The following CSMD1 variants were observed in gnomAD, a reference collection of about 807,000 sequenced individuals.
The protein encoded by CSMD1 is CUB and Sushi multiple domains 1.
CSMD1 carries 213 observed loss-of-function variants against 417.5 expected under a neutral mutation model. The observed-to-expected ratio is 0.51, with a 90% confidence interval of 0.46 to 0.57. The LOEUF (loss-of-function observed/expected upper bound fraction) is 0.57, where lower values mean the gene tolerates loss of function less well. CSMD1 is among the 20% of genes least tolerant of loss of function. CSMD1 has a pLI of 0.00. For synonymous variants in CSMD1, 2,862 were observed against 1,736.8 expected, an observed-to-expected ratio of 1.65 and a Z score of -16.11; for missense variants, 6,923 against 4,529.7, an observed-to-expected ratio of 1.53 and a Z score of -15.17.
intron 12 of CSMD1, among the ~76,000 whole-genome samples, chr8:3,434,569 A>G (rs1253646757): frequency 6.6e-6 from 1 of 152,218 alleles, no homozygotes; most frequent in Non-Finnish European, 1.5e-5. Context: ...TAGTGAACAT[A>G]ATTTAGATTA....
At chr8:4,336,839 G>T (rs1476676956) in intron 3 of CSMD1, among the ~76,000 whole-genome samples, 1 of 152,042 alleles carries the variant, frequency 6.6e-6, no homozygotes, top group African/African-American at 2.4e-5. Context: ...AATGAAGATG[G>T]GGTTGAGATT....
intron 6 of CSMD1, among the ~76,000 whole-genome samples, chr8:3,751,934 C>T (rs758647317): frequency 5.3e-5 from 8 of 152,110 alleles, no homozygotes; most frequent in Non-Finnish European, 8.8e-5. Context: ...AGGATCAGTC[C>T]ATTGGCCTTG....
At chr8:4,797,057 C>G (rs1465991351) in intron 1 of CSMD1, among the ~76,000 whole-genome samples, 2 of 152,130 alleles carry the variant, frequency 1.3e-5, no homozygotes, top group African/African-American at 4.8e-5. Context: ...AGAGAAGCAA[C>G]AGATTCTGTC....
chr8:3,596,979 C>G (rs1430535917), intron 8 of CSMD1, among the ~76,000 whole-genome samples: 4 of 152,164 alleles, frequency 2.6e-5, no homozygotes, highest in Admixed American at 2.6e-4. Context: ...GGTGCAATGG[C>G]TCACTCTGTT....
At position 4,924,951 on chromosome 8, in the gene CSMD1, C is replaced by T. The variant is rs76848010; in HGVS notation, c.85+69381G>A. ...CCGTCTCTTTTTCTGTATTATGCAA[C>T]GGAAGAATCTTTGCATCCACCATGG... On this transcript the variant is annotated intron_variant, in intron 1 of 69. Transcript: ENST00000635120. Among the ~76,000 whole-genome samples, 7 of 151,970 alleles carry T rather than the reference C, an allele frequency of 4.6e-5. No individual in the cohort carries two copies. The East Asian group carries it at 9.6e-4, about 21-fold the overall frequency.
intron 2 of CSMD1, among the ~76,000 whole-genome samples, chr8:4,608,710 C>G (rs550715115): frequency 6.6e-6 from 1 of 152,174 alleles, no homozygotes; most frequent in African/African-American, 2.4e-5. Flanking sequence ...ATCCTTCAGG[C>G]ATTTCAGAAG....
chr8:4,116,006 T>C (rs1585346397), intron 3 of CSMD1, among the ~76,000 whole-genome samples: 1 of 100,158 alleles, frequency 1.0e-5, no homozygotes, highest in East Asian at 3.5e-4. Flanking sequence ...ATTTATTTAT[T>C]TATTTATTTA....
At chr8:3,401,015 G>A (rs1457068959) in intron 15 of CSMD1, among the ~76,000 whole-genome samples, 1 of 151,394 alleles carries the variant, frequency 6.6e-6, no homozygotes, top group Non-Finnish European at 1.5e-5. Flanking sequence ...ATTCACATTT[G>A]CAGCCTATGA....
At chr8:3,501,438 G>A (rs188598254) in intron 10 of CSMD1, among the ~76,000 whole-genome samples, 1 of 152,046 alleles carries the variant, frequency 6.6e-6, no homozygotes, top group African/African-American at 2.4e-5. Context: ...CAAATGAATA[G>A]GAAAAATATT....
At chr8:3,209,473 T>G (rs1797481656) in intron 30 of CSMD1, among the ~76,000 whole-genome samples, 1 of 152,008 alleles carries the variant, frequency 6.6e-6, no homozygotes, top group Non-Finnish European at 1.5e-5. Context: ...CCTGCCACCA[T>G]GCCCGGCTAA....
chr8:3,532,393 G>C (rs10086554), intron 10 of CSMD1, among the ~76,000 whole-genome samples: 71,203 of 151,910 alleles, frequency 0.47, 17,368 homozygotes, highest in Non-Finnish European at 0.54. Flanking sequence ...CGAGTGGTGA[G>C]GATGGTGAGC....
intron 12 of CSMD1, among the ~76,000 whole-genome samples, chr8:3,447,371 A>C (rs1815368671): frequency 6.6e-6 from 1 of 152,226 alleles, no homozygotes; most frequent in African/African-American, 2.4e-5. Flanking sequence ...AGGAATGAAT[A>C]AAAGAAGAAA....
chr8:3,984,422 G>C (rs1814150944), intron 5 of CSMD1, among the ~76,000 whole-genome samples: 1 of 151,946 alleles, frequency 6.6e-6, no homozygotes, highest in Non-Finnish European at 1.5e-5. Context: ...TTGGTTCTAA[G>C]ATAACAAACC....
intron 26 of CSMD1, among the ~76,000 whole-genome samples, chr8:3,266,096 A>G (rs1335051148): frequency 6.6e-6 from 1 of 151,482 alleles, no homozygotes; most frequent in African/African-American, 2.4e-5. Flanking sequence ...CCTGGGGGAA[A>G]AATTAATTTG....
At chr8:4,501,442 G>A (rs1303609871) in intron 2 of CSMD1, among the ~76,000 whole-genome samples, 1 of 152,018 alleles carries the variant, frequency 6.6e-6, no homozygotes, top group Non-Finnish European at 1.5e-5. Flanking sequence ...AAGTCGAGGT[G>A]GATATTTCAA....
At chr8:3,196,054 C>G (rs1430807342) in intron 33 of CSMD1, among the ~76,000 whole-genome samples, 2 of 152,100 alleles carry the variant, frequency 1.3e-5, no homozygotes, top group Non-Finnish European at 2.9e-5. Flanking sequence ...AAAGACCTTC[C>G]TGACAAAAAG....
At chr8:3,450,594 T>C (rs1815640419) in intron 12 of CSMD1, among the ~76,000 whole-genome samples, 1 of 151,882 alleles carries the variant, frequency 6.6e-6, no homozygotes, top group Admixed American at 6.6e-5. Flanking sequence ...GATAGTTTCC[T>C]GAGAATCATG....
intron 1 of CSMD1, among the ~76,000 whole-genome samples, chr8:4,864,822 G>C (rs1424420420): frequency 6.7e-6 from 1 of 150,126 alleles, no homozygotes; most frequent in Non-Finnish European, 1.5e-5. Context: ...TCTTTTCATT[G>C]TATATAACAT....
intron 12 of CSMD1, among the ~76,000 whole-genome samples, chr8:3,460,873 C>G (rs1488003299): frequency 6.6e-6 from 1 of 152,128 alleles, no homozygotes; most frequent in Non-Finnish European, 1.5e-5. Flanking sequence ...GTTCTAGAAG[C>G]AAAGAGCTAA....
Sources: gnomAD v4.1 joint callset for allele counts (sites outside exome capture counted in the v4.1 genomes callset) on GRCh38, gnomAD v4.1.1 for gene constraint, MANE v1.5 for transcripts, NCBI Gene and HGNC (gene_info 2026-07-23, HGNC 2026-07-21) for gene names.